LIN52: variants seen among roughly 807,000 people sequenced by gnomAD.
LIN52 encodes the protein protein lin-52 homolog.
Under a neutral mutation model 18.5 loss-of-function variants are expected in LIN52, and 4 were observed. The observed-to-expected ratio is 0.22, with a 90% CI of 0.11 to 0.49. The LOEUF (loss-of-function observed/expected upper bound fraction) is 0.49, where lower values mean the gene tolerates loss of function less well. Ranked by LOEUF, LIN52 falls within the 20% of genes least tolerant of loss-of-function variation. LIN52 has a pLI of 0.97. For synonymous variants in LIN52, 34 were observed against 45.5 expected (o/e 0.75, Z 1.02); for missense variants, 102 against 139.5 (o/e 0.73, Z 1.35).
At chr14:74,097,263 A>C (rs2060819720) in intron 3 of LIN52, among the ~76,000 whole-genome samples, 1 of 152,140 alleles carries the variant, frequency 6.6e-6, no homozygotes, top group African/African-American at 2.4e-5. Flanking sequence ...ATTCTTCCAC[A>C]GTGATTTCTC....
At chr14:74,165,508 C>CTTTTGTTTTTTTTTTTTTTTTTTT (rs1363878035) in intron 5 of LIN52, among the ~76,000 whole-genome samples, 1 of 76,440 alleles carries the variant, frequency 1.3e-5, no homozygotes, top group Non-Finnish European at 2.6e-5. Context: ...TACAGGTTTT[C>CTTTTGTTTTTTTTTTTTTTTTTTT]TTTTCTTTTT....
chr14:74,100,027 T>G (rs1353808242), intron 4 of LIN52, among the ~76,000 whole-genome samples: 1 of 152,202 alleles, frequency 6.6e-6, no homozygotes, highest in African/African-American at 2.4e-5. Context: ...TTATAGGAAT[T>G]TGATTTGAAG....
intron 1 of LIN52, among the ~76,000 whole-genome samples, chr14:74,088,485 A>T (rs371352802): frequency 6.6e-6 from 1 of 152,176 alleles, no homozygotes; most frequent in Non-Finnish European, 1.5e-5. Flanking sequence ...GGCTTCCCAA[A>T]GCACTGGGAT....
chr14:74,087,540 CTAA>C (rs1481555757), intron 1 of LIN52, among the ~76,000 whole-genome samples: 1 of 151,878 alleles, frequency 6.6e-6, no homozygotes, highest in Non-Finnish European at 1.5e-5. Flanking sequence ...TCCTCTCCAC[CTAA>C]TGTTTTCTTT....
At position 74,163,467 on chromosome 14, in the gene LIN52, A is replaced by G. The variant is rs147890085; in HGVS notation, c.284-35455A>G. Among the ~76,000 whole-genome samples, 820 of 152,320 alleles carry G rather than the reference A, an allele frequency of 5.4e-3. 4 individuals carry two copies. Among genetic ancestry groups the G allele is most frequent in the Non-Finnish European group, 8.5e-3 (578 of 68,022 alleles). On this transcript the variant is annotated intron_variant, in intron 5 of 5. Coordinates refer to ENST00000555028, the MANE Select transcript of LIN52 (RefSeq NM_001024674.3). ...AGAATATAGCTAACATTAGAAATGTAAAAACAAAACCAAGGTAGGAGTGGG... is the reference window on the plus strand; with the variant it reads ...AGAATATAGCTAACATTAGAAATGTGAAAACAAAACCAAGGTAGGAGTGGG...
chr14:74,174,504 T>C lies in LIN52; in HGVS notation c.284-24418T>C, dbSNP rs146219344. 205 of 151,986 alleles carry C rather than the reference T, an allele frequency of 1.3e-3. 1 individual carries two copies. Among genetic ancestry groups the C allele is most frequent in the African/African-American group, 4.8e-3 (197 of 41,324 alleles). 9.4% of individuals were successfully genotyped at this position (151,986 alleles called of 1,614,324 possible). A position where few individuals can be genotyped will look rare whatever the true frequency, so the allele number is the denominator to read the frequency against. Reference sequence around the variant, plus strand: ...GTAGTCCCAGCTACTCAGGAGGCTATTGGGGGGGAGGATTGGTTGAGCCCA... The same window carrying C: ...GTAGTCCCAGCTACTCAGGAGGCTACTGGGGGGGAGGATTGGTTGAGCCCA... On this transcript the variant is annotated intron_variant, in intron 5 of 5. Coordinates refer to ENST00000555028, the MANE Select transcript of LIN52 (RefSeq NM_001024674.3).
At chr14:74,101,860 A>C (rs979935532) in intron 5 of LIN52, among the ~76,000 whole-genome samples, 3 of 151,762 alleles carry the variant, frequency 2.0e-5, no homozygotes, top group Non-Finnish European at 4.4e-5. Context: ...CTGATCTTCA[A>C]CTCCTGGGCT....
intron 5 of LIN52, among the ~76,000 whole-genome samples, chr14:74,179,653 C>T (rs1474747975): frequency 1.1e-5 from 1 of 90,964 alleles, no homozygotes; most frequent in Non-Finnish European, 2.4e-5. Context: ...GAGACTCCAT[C>T]TCAAAAAAAA....
rs1176823957 is a variant in LIN52, at chr14:74,101,288, T to C, written c.283+50T>C. ...CAGGGGTGTATTCCACCCTGAGCTG[T>C]GTATTCCACCCTGAGCTCAGGTATT... On this transcript the variant is annotated intron_variant, in intron 5 of 5. Coordinates refer to ENST00000555028, the MANE Select transcript of LIN52 (RefSeq NM_001024674.3). 3.0e-6 allele frequency: 4 copies of C among 1,314,018 alleles called. No individual in the cohort carries two copies. In the African/African-American group the frequency reaches 4.5e-5, roughly 15 times the overall value. The allele number at this position is 1,314,018 out of a possible 1,614,324, so 81.4% of individuals were successfully genotyped here. A position where few individuals can be genotyped will look rare whatever the true frequency, so the allele number is the denominator to read the frequency against.
chr14:74,103,733 GTTTTTTTTTTTT>G (rs573188668), intron 5 of LIN52, among the ~76,000 whole-genome samples: 7,196 of 45,882 alleles, frequency 0.16, 455 homozygotes, highest in South Asian at 0.2. Context: ...GGCCTGGCCA[GTTTTTTTTTTTT>G]TTTTTTTTTT....
intron 5 of LIN52, among the ~76,000 whole-genome samples, chr14:74,147,025 G>A (rs7144221): frequency 0.78 from 117,928 of 152,002 alleles, 46,071 homozygotes; most frequent in Admixed American, 0.81. Flanking sequence ...TTGGGACGCC[G>A]AGGTGGGTGG....
At chr14:74,135,038 C>T (rs565075195) in intron 5 of LIN52, among the ~76,000 whole-genome samples, 6 of 152,096 alleles carry the variant, frequency 3.9e-5, no homozygotes, top group Non-Finnish European at 8.8e-5. Context: ...TACCCTGAAC[C>T]TTCTTTGAGG....
chr14:74,123,777 A>G (rs765930630), intron 5 of LIN52, among the ~76,000 whole-genome samples: 1 of 152,112 alleles, frequency 6.6e-6, no homozygotes, highest in Non-Finnish European at 1.5e-5. Context: ...TTACCAAAAG[A>G]CCATGGCTTC....
intron 5 of LIN52, among the ~76,000 whole-genome samples, chr14:74,148,901 A>G (rs1387566168): frequency 6.6e-6 from 1 of 152,246 alleles, no homozygotes; most frequent in African/African-American, 2.4e-5. Flanking sequence ...TAAGAAAGCC[A>G]CCATCAAGTG....
intron 5 of LIN52, among the ~76,000 whole-genome samples, chr14:74,122,601 C>T (rs898813748): frequency 6.6e-6 from 1 of 152,156 alleles, no homozygotes; most frequent in African/African-American, 2.4e-5. Context: ...TGCAGTGGCT[C>T]ACACCTGTAA....
rs189891154 is a variant in LIN52, at chr14:74,167,316, T to G, written c.284-31606T>G. Reference sequence around the variant, plus strand: ...ATTTTATCTAATGGTGTATTTCATCTGAAGAAATACTGAATAGAATTGTAC... The same window carrying G: ...ATTTTATCTAATGGTGTATTTCATCGGAAGAAATACTGAATAGAATTGTAC... On this transcript the variant is annotated intron_variant, in intron 5 of 5. Coordinates refer to ENST00000555028, the MANE Select transcript of LIN52 (RefSeq NM_001024674.3). 5.5e-4 allele frequency among the ~76,000 whole-genome samples: 84 copies of G among 152,288 alleles called. 1 individual carries two copies. Among genetic ancestry groups the G allele is most frequent in the Non-Finnish European group, 6.5e-4 (44 of 68,016 alleles).
intron 5 of LIN52, among the ~76,000 whole-genome samples, chr14:74,118,044 A>G (rs956097716): frequency 6.6e-6 from 1 of 152,222 alleles, no homozygotes; most frequent in African/African-American, 2.4e-5. Flanking sequence ...ATAACGGTAA[A>G]GACGTCCTTT....
chr14:74,183,609 T>G (rs1195897742), intron 5 of LIN52, among the ~76,000 whole-genome samples: 1 of 152,158 alleles, frequency 6.6e-6, no homozygotes, highest in African/African-American at 2.4e-5. Flanking sequence ...TATAGAAAAT[T>G]TTTAAGCTAA....
At chr14:74,195,395 A>G (rs1222449098) in intron 5 of LIN52, among the ~76,000 whole-genome samples, 1 of 152,354 alleles carries the variant, frequency 6.6e-6, no homozygotes, top group East Asian at 1.9e-4. Context: ...GCAGTGGGGA[A>G]TAGAAATGGC....
Sources: gnomAD v4.1 joint callset for allele counts (sites outside exome capture counted in the v4.1 genomes callset) on GRCh38, gnomAD v4.1.1 for gene constraint, MANE v1.5 for transcripts, NCBI Gene and HGNC (gene_info 2026-07-23, HGNC 2026-07-21) for gene names.